PARG: variants seen among roughly 807,000 people sequenced by gnomAD.
PARG encodes the protein mitochondrial poly(ADP-ribose) glycohydrolase.
In PARG, 35 loss-of-function variants were observed where a neutral mutation model predicts 113.0. The ratio of observed to expected loss-of-function variants is 0.31; its 90% CI spans 0.24 to 0.41. The LOEUF (loss-of-function observed/expected upper bound fraction) is 0.41. PARG is among the 10% of genes least tolerant of loss of function. The pLI is 1.00. For missense variants in PARG, 797 were observed against 1,169.4 expected, an observed-to-expected ratio of 0.68 and a Z score of 4.64; for synonymous variants, 330 against 409.9, an observed-to-expected ratio of 0.81 and a Z score of 2.36.
chr10:49,843,245 CAG>C (rs1845333920), intron 14 of PARG, among the ~76,000 whole-genome samples: 1 of 152,182 alleles, frequency 6.6e-6, no homozygotes, highest in Non-Finnish European at 1.5e-5. Context: ...CTATTCTACT[CAG>C]ATTTAAACAT....
chr10:49,935,373 T>A, intron 1 of PARG, among the ~76,000 whole-genome samples: 1 of 152,358 alleles, frequency 6.6e-6, no homozygotes, highest in Middle Eastern at 3.4e-3. Context: ...GATAAGAGCA[T>A]AGGCTATGGA....
chr10:49,886,890 A>C (rs539849941), intron 7 of PARG, among the ~76,000 whole-genome samples: 1 of 152,216 alleles, frequency 6.6e-6, no homozygotes, highest in African/African-American at 2.4e-5. Flanking sequence ...TAAAAAAACT[A>C]AATTTTTAAA....
At chr10:49,927,377 A>AAAGAAAGAAAGAAG (rs1838248947) in intron 4 of PARG, among the ~76,000 whole-genome samples, 1 of 38,150 alleles carries the variant, frequency 2.6e-5, no homozygotes, top group Non-Finnish European at 9.2e-5. Context: ...AAGGAAAGAA[A>AAAGAAAGAAAGAAG]GAAAGAAAGA....
At chr10:49,893,000 T>C (rs1847886247) in intron 7 of PARG, among the ~76,000 whole-genome samples, 2 of 152,234 alleles carry the variant, frequency 1.3e-5, no homozygotes. Flanking sequence ...ACCTGGGCTG[T>C]CCCCAGGTTT....
intron 13 of PARG, among the ~76,000 whole-genome samples, chr10:49,849,874 T>C (rs1332744947): frequency 9.3e-5 from 14 of 150,710 alleles, no homozygotes; most frequent in African/African-American, 3.4e-4. Context: ...AAAAGTTAGG[T>C]GGGTGCAGTG....
At chr10:49,935,509 A>C (rs1410995428) in intron 1 of PARG, among the ~76,000 whole-genome samples, 1 of 152,254 alleles carries the variant, frequency 6.6e-6, no homozygotes, top group African/African-American at 2.4e-5. Context: ...TCATGAGATA[A>C]GGCTTAATTA....
chr10:49,922,070 A>C (rs1370584763), intron 6 of PARG, among the ~76,000 whole-genome samples: 1 of 152,218 alleles, frequency 6.6e-6, no homozygotes, highest in African/African-American at 2.4e-5. Context: ...AGAAGCTTGC[A>C]CTGAAGGAAA....
At chr10:49,897,388 G>T (rs1195754773) in intron 7 of PARG, among the ~76,000 whole-genome samples, 1 of 152,082 alleles carries the variant, frequency 6.6e-6, no homozygotes, top group Non-Finnish European at 1.5e-5. Context: ...CCATCTCCCT[G>T]GGAAGCCTTC....
At chr10:49,832,653 TAATAGGA>T (rs1564598235) in intron 16 of PARG, 143 bp downstream of exon 16, 1 of 546,048 alleles carries the variant, frequency 1.8e-6, no homozygotes, top group East Asian at 3.2e-5. Flanking sequence ...CCTTCAAACA[TAATAGGA>T]AAAAAGAAAA....
chr10:49,926,949 G>A (rs1190002815), intron 4 of PARG, among the ~76,000 whole-genome samples: 9 of 152,032 alleles, frequency 5.9e-5, no homozygotes, highest in South Asian at 2.1e-4. Context: ...CGTCAGTGTC[G>A]GTGTTTGGCT....
In PARG at chr10:49,819,017, A is replaced by G; in HGVS notation, c.*323T>C. 5.4e-6 allele frequency: 1 copy of G among 186,494 alleles called. No individual in the cohort carries two copies. The highest frequency in any genetic ancestry group is 1.4e-4 in the South Asian group (1 of 6,948). 11.6% of individuals were successfully genotyped at this position (186,494 alleles called of 1,614,324 possible). A position where few individuals can be genotyped will look rare whatever the true frequency, so the allele number is the denominator to read the frequency against. Reference sequence around the variant, plus strand: ...CTGGTATAATATATGGGCAGGAAGAAAGAGACCCGACAGGCTGAGCACAAC... The same window carrying G: ...CTGGTATAATATATGGGCAGGAAGAGAGAGACCCGACAGGCTGAGCACAAC... On this transcript the variant is annotated 3_prime_UTR_variant, in exon 18 of 18. Coordinates refer to ENST00000616448, the MANE Select transcript of PARG (RefSeq NM_003631.5).
At chr10:49,927,477 G>A (rs1349228806) in intron 4 of PARG, among the ~76,000 whole-genome samples, 17 of 151,810 alleles carry the variant, frequency 1.1e-4, no homozygotes, top group Non-Finnish European at 2.2e-4. Flanking sequence ...GGGTGGGTGA[G>A]ACCAACCAGA....
At chr10:49,895,489 C>T (rs1377073832) in intron 7 of PARG, among the ~76,000 whole-genome samples, 11 of 151,842 alleles carry the variant, frequency 7.2e-5, no homozygotes, top group African/African-American at 2.2e-4. Context: ...CTGCAACCTC[C>T]GCCTCCTGGG....
chr10:49,823,219 T>C (rs1159990010), intron 16 of PARG, among the ~76,000 whole-genome samples: 1 of 152,174 alleles, frequency 6.6e-6, no homozygotes, highest in African/African-American at 2.4e-5. Flanking sequence ...AAAAAAATTA[T>C]GTGCATGTGT....
intron 6 of PARG, among the ~76,000 whole-genome samples, chr10:49,919,504 A>G (rs1837681157): frequency 6.6e-6 from 1 of 152,320 alleles, no homozygotes; most frequent in South Asian, 2.1e-4. Context: ...TATACACCAC[A>G]GTACAGGTAT....
At chr10:49,820,866 G>A (rs532515850) in intron 16 of PARG, among the ~76,000 whole-genome samples, 1 of 152,234 alleles carries the variant, frequency 6.6e-6, no homozygotes, top group South Asian at 2.1e-4. Flanking sequence ...AAAGGAAGCT[G>A]CAAACCATGG....
At chr10:49,929,054 A>G (rs1276962240) in intron 4 of PARG, among the ~76,000 whole-genome samples, 1 of 152,226 alleles carries the variant, frequency 6.6e-6, no homozygotes, top group Non-Finnish European at 1.5e-5. Flanking sequence ...TGTTGTAATA[A>G]AATAGAAGAT....
intron 13 of PARG, among the ~76,000 whole-genome samples, chr10:49,844,802 C>A (rs1845427661): frequency 6.6e-6 from 1 of 151,992 alleles, no homozygotes; most frequent in South Asian, 2.1e-4. Context: ...AAAACACCTT[C>A]AGGAAAATGT....
At position 49,916,002 on chromosome 10, in the gene PARG, T is replaced by C. The variant is rs782341643; in HGVS notation, c.1663-11A>G. ...TTTCAGAATAGCATCCTGTGGAAAATGCAGAAACAAAAAAACGTCATGGTA... is the reference window on the plus strand; with the variant it reads ...TTTCAGAATAGCATCCTGTGGAAAACGCAGAAACAAAAAAACGTCATGGTA... On this transcript the variant is annotated splice_polypyrimidine_tract_variant and intron_variant, in intron 6 of 17. Coordinates refer to ENST00000616448, the MANE Select transcript of PARG (RefSeq NM_003631.5). The C allele has an allele frequency of 1.3e-6, 2 of 1,504,832 alleles. No homozygotes were observed. Among genetic ancestry groups the C allele is most frequent in the Non-Finnish European group, 9.1e-7 (1 of 1,104,468 alleles). The allele number at this position is 1,504,832 out of a possible 1,614,324, so 93.2% of individuals were successfully genotyped here.
Sources: allele counts gnomAD v4.1 joint callset (sites outside exome capture counted in the v4.1 genomes callset), GRCh38; gene constraint gnomAD v4.1.1; transcripts MANE v1.5; gene names NCBI Gene and HGNC (gene_info 2026-07-23, HGNC 2026-07-21).